The following JAZF1 variants were observed in gnomAD, a reference collection of about 807,000 sequenced individuals.
JAZF1 encodes the protein juxtaposed with another zinc finger protein 1.
Under a neutral mutation model 26.4 loss-of-function variants are expected in JAZF1, and 8 were observed. That is an observed-to-expected ratio of 0.30 (90% CI 0.18 to 0.55). The LOEUF is 0.55. Among genes scored for constraint, JAZF1 ranks in the 20% least tolerant of loss-of-function variants. The pLI, the probability that JAZF1 is intolerant of heterozygous loss-of-function variation, is 0.94. For missense variants in JAZF1, 199 were observed against 322.0 expected, an observed-to-expected ratio of 0.62 and a Z score of 2.92; for synonymous variants, 126 against 122.3, an observed-to-expected ratio of 1.03 and a Z score of -0.20.
At chr7:28,124,585 T>C (rs1782667469) in intron 1 of JAZF1, among the ~76,000 whole-genome samples, 1 of 152,208 alleles carries the variant, frequency 6.6e-6, no homozygotes, top group South Asian at 2.1e-4. Context: ...TGCAGGGCCA[T>C]GTGCTTCCAA....
intron 1 of JAZF1, among the ~76,000 whole-genome samples, chr7:28,147,171 T>C (rs1200004020): frequency 2.6e-5 from 4 of 152,058 alleles, no homozygotes; most frequent in Non-Finnish European, 5.9e-5. Flanking sequence ...TTTTGGCGTT[T>C]GGGATATTTG....
chr7:27,861,965 C>T (rs567127138), intron 3 of JAZF1, among the ~76,000 whole-genome samples: 30 of 152,318 alleles, frequency 2.0e-4, no homozygotes, highest in African/African-American at 7.0e-4. Context: ...AAGAACTGTG[C>T]CCTCACCCTG....
chr7:28,098,153 T>C (rs1200940274), intron 1 of JAZF1, among the ~76,000 whole-genome samples: 1 of 152,142 alleles, frequency 6.6e-6, no homozygotes, highest in East Asian at 1.9e-4. Context: ...TGAGGGTCTC[T>C]GGATGGGATT....
intron 3 of JAZF1, among the ~76,000 whole-genome samples, chr7:27,882,307 GT>G (rs75022299): frequency 0.045 from 6,498 of 142,926 alleles, 180 homozygotes; most frequent in East Asian, 0.094. Context: ...TAATTGGCTT[GT>G]TTTTTTTTTT....
intron 1 of JAZF1, among the ~76,000 whole-genome samples, chr7:28,162,735 T>C (rs1311321511): frequency 6.6e-6 from 1 of 152,232 alleles, no homozygotes; most frequent in Non-Finnish European, 1.5e-5. Context: ...ACCAGGGGCT[T>C]CCTTGGGTGT....
chr7:28,155,521 G>A (rs958768339), intron 1 of JAZF1, among the ~76,000 whole-genome samples: 1 of 152,192 alleles, frequency 6.6e-6, no homozygotes, highest in Non-Finnish European at 1.5e-5. Flanking sequence ...GAGGCAAGAG[G>A]AGAAATTCAG....
At chr7:28,175,730 T>C (rs1267143709) in intron 1 of JAZF1, among the ~76,000 whole-genome samples, 1 of 152,210 alleles carries the variant, frequency 6.6e-6, no homozygotes, top group Non-Finnish European at 1.5e-5. Flanking sequence ...TGTCACGTTC[T>C]TCACCTAATT....
At chr7:27,857,043 G>A (rs897315214) in intron 3 of JAZF1, among the ~76,000 whole-genome samples, 6 of 152,252 alleles carry the variant, frequency 3.9e-5, no homozygotes, top group Non-Finnish European at 7.3e-5. Flanking sequence ...CCAGTCCCGC[G>A]CCGTGTGCCT....
At chr7:27,969,093 C>T (rs1785327321) in intron 2 of JAZF1, among the ~76,000 whole-genome samples, 1 of 152,160 alleles carries the variant, frequency 6.6e-6, no homozygotes, top group Non-Finnish European at 1.5e-5. Context: ...AATAGGCAAA[C>T]TTGGACAACT....
At chr7:27,977,315 C>G (rs1371119655) in intron 2 of JAZF1, among the ~76,000 whole-genome samples, 1 of 152,202 alleles carries the variant, frequency 6.6e-6, no homozygotes, top group Admixed American at 6.5e-5. Flanking sequence ...TAGAATACAT[C>G]TCTTAAAAGC....
At chr7:28,115,921 T>G (rs1784734256) in intron 1 of JAZF1, among the ~76,000 whole-genome samples, 1 of 152,206 alleles carries the variant, frequency 6.6e-6, no homozygotes, top group Non-Finnish European at 1.5e-5. Flanking sequence ...GGTGGGGTTT[T>G]TTTTCCATTT....
chr7:27,842,064 T>C (rs1782934426), intron 3 of JAZF1: 1 of 152,182 alleles, frequency 6.6e-6, no homozygotes, highest in African/African-American at 2.4e-5. Context: ...TTATTGGGTT[T>C]CATTTTAATA....
chr7:28,056,532 A>G (rs1426028474), intron 1 of JAZF1, among the ~76,000 whole-genome samples: 1 of 152,104 alleles, frequency 6.6e-6, no homozygotes, highest in Non-Finnish European at 1.5e-5. Context: ...GTGAGCATGA[A>G]ATTTCACAGA....
intron 3 of JAZF1, among the ~76,000 whole-genome samples, chr7:27,892,018 A>G (rs921907261): frequency 6.6e-6 from 1 of 152,230 alleles, no homozygotes; most frequent in Non-Finnish European, 1.5e-5. Flanking sequence ...GTGGGAATGC[A>G]CCATGAATAT....
intron 3 of JAZF1, among the ~76,000 whole-genome samples, chr7:27,850,672 T>A (rs1783128205): frequency 6.6e-6 from 1 of 152,188 alleles, no homozygotes; most frequent in Non-Finnish European, 1.5e-5. Flanking sequence ...CCTCTAATCT[T>A]TTTTAAAAAA....
chr7:27,979,883 C>T (rs987531662), intron 2 of JAZF1, among the ~76,000 whole-genome samples: 4 of 152,092 alleles, frequency 2.6e-5, no homozygotes, highest in Non-Finnish European at 4.4e-5. Context: ...GCACAGTCAA[C>T]CTAATTCAGT....
intron 1 of JAZF1, among the ~76,000 whole-genome samples, chr7:28,067,467 G>C (rs1390909728): frequency 2.6e-5 from 4 of 152,302 alleles, no homozygotes; most frequent in East Asian, 1.9e-4. Context: ...ACACAGCACA[G>C]CCAAAGCCCT....
intron 1 of JAZF1, among the ~76,000 whole-genome samples, chr7:28,088,541 T>A (rs1784243661): frequency 6.6e-6 from 1 of 152,222 alleles, no homozygotes; most frequent in Admixed American, 6.5e-5. Context: ...TTAATAATAG[T>A]GCTTCCTGCC....
intron 3 of JAZF1, among the ~76,000 whole-genome samples, chr7:27,870,524 C>A (rs1783562044): frequency 6.6e-6 from 1 of 152,090 alleles, no homozygotes; most frequent in Non-Finnish European, 1.5e-5. Context: ...ACAATGTTAT[C>A]ACTGTGTCAT....
Sources: allele counts gnomAD v4.1 joint callset (sites outside exome capture counted in the v4.1 genomes callset), GRCh38; gene constraint gnomAD v4.1.1; transcripts MANE v1.5; gene names NCBI Gene and HGNC (gene_info 2026-07-23, HGNC 2026-07-21).